The following MYLK4 variants were observed in gnomAD, a reference collection of about 807,000 sequenced individuals.
The protein encoded by MYLK4 is myosin light chain kinase family member 4.
MYLK4 carries 46 observed loss-of-function variants against 48.1 expected under a neutral mutation model. The ratio of observed to expected loss-of-function variants is 0.96; its 90% CI spans 0.75 to 1.22. MYLK4 has a LOEUF of 1.22. MYLK4 is among the 50% of genes most tolerant of loss of function. The probability of loss-of-function intolerance (pLI) is 0.00; values close to 1 mark genes in which losing one functional copy is unlikely to be tolerated. For synonymous variants in MYLK4, 170 were observed against 180.8 expected (o/e 0.94, Z 0.48); for missense variants, 451 against 486.1 (o/e 0.93, Z 0.68).
chr6:2,766,883 T>C, the MYLK4 span, among the ~76,000 whole-genome samples: 4 of 152,170 alleles, frequency 2.6e-5, no homozygotes, highest in Admixed American at 6.5e-5. Flanking sequence ...AAAATCAAAT[T>C]AATTCTGTTG....
the MYLK4 span, among the ~76,000 whole-genome samples, chr6:2,766,702 T>C: frequency 6.6e-6 from 1 of 152,162 alleles, no homozygotes; most frequent in Non-Finnish European, 1.5e-5. Flanking sequence ...AATCCATAGT[T>C]TTACAAGATG....
intron 3 of MYLK4, among the ~76,000 whole-genome samples, chr6:2,691,043 G>C (rs1761775736): frequency 6.6e-6 from 1 of 152,010 alleles, no homozygotes; most frequent in Non-Finnish European, 1.5e-5. Flanking sequence ...TGTTAGCCAG[G>C]ATGGTCTCCA....
chr6:2,765,188 C>CG, the MYLK4 span, among the ~76,000 whole-genome samples: 1 of 104,044 alleles, frequency 9.6e-6, no homozygotes, highest in African/African-American at 3.2e-5. Context: ...CGCAACCCCC[C>CG]CCCCCGCCCC....
chr6:2,766,864 G>A, the MYLK4 span, among the ~76,000 whole-genome samples: 1 of 150,418 alleles, frequency 6.6e-6, no homozygotes, highest in Non-Finnish European at 1.5e-5. Flanking sequence ...AACGGATTCA[G>A]CTTTGAAAAA....
At chr6:2,671,180 T>G (rs1760877073) in intron 12 of MYLK4, 96 bp downstream of exon 12, 1 of 864,322 alleles carries the variant, frequency 1.2e-6, no homozygotes, top group South Asian at 1.6e-5. Context: ...ACGCTGCTCT[T>G]CTTCCTGCAT....
chr6:2,694,499 G>A (rs1299906192), intron 2 of MYLK4, among the ~76,000 whole-genome samples: 3 of 29,664 alleles, frequency 1.0e-4, no homozygotes, highest in Middle Eastern at 0.01. Context: ...TCATGGTGGT[G>A]GTGGTGGTGG....
rs149683135 is a variant in MYLK4, at chr6:2,678,356, G to T, written c.904C>A (p.Pro302Thr). ...TCAGCATCATTGTCACCCAGGAAAG[G>T]CGACAAACCGCTAAGTCTGGAGGAC... ...IAYMLLSGLSPFLGDNDAETL... is the reference protein window; with the variant it reads ...IAYMLLSGLSTFLGDNDAETL... The change falls in exon 10 of 13, where the codon CCT becomes ACT. Residue 302 changes from proline to threonine, a missense_variant. Physicochemically the swap from Pro to Thr is conservative, Grantham distance 38. Coordinates refer to ENST00000274643, the MANE Select transcript of MYLK4 (RefSeq NM_001012418.5). The T allele has an allele frequency of 1.9e-6, 3 of 1,613,824 alleles. No homozygotes were observed. Among genetic ancestry groups the T allele is most frequent in the African/African-American group, 2.7e-5 (2 of 74,886 alleles).
chr6:2,679,425 A>G lies in MYLK4; in HGVS notation c.759-17T>C. ...GGTTTGTATCTGCAATTTAAGAGAC[A>G]AAGTGGAAGGATGGACGTGTCGATC... On this transcript the variant is annotated splice_polypyrimidine_tract_variant and intron_variant, in intron 8 of 12. Transcript: ENST00000274643. 2.5e-6 allele frequency: 4 copies of G among 1,614,166 alleles called. No individual in the cohort carries two copies. The highest frequency in any genetic ancestry group is 3.4e-6 in the Non-Finnish European group (4 of 1,179,984).
intron 3 of MYLK4, 24 bp from the exon 4 acceptor site, chr6:2,688,980 G>A (rs1280494872): frequency 1.9e-6 from 3 of 1,604,470 alleles, no homozygotes; most frequent in Admixed American, 3.3e-5. Flanking sequence ...GAAACAGAAG[G>A]GCAATCTGTC....
In MYLK4 at chr6:2,678,306, G is replaced by A; in HGVS notation, c.954C>T (p.Cys318=). Reference sequence around the variant, plus strand: ...ATTCTTCATCCTCTAAGTCCCACCTGCAGGCCAGGATGTTGTTCAGCGTCT... The same window carrying A: ...ATTCTTCATCCTCTAAGTCCCACCTACAGGCCAGGATGTTGTTCAGCGTCT... ...DAETLNNILA[C]RWDLEDEEFQ... Residue 318 remains cysteine, a synonymous_variant, in exon 10 of 13, where the codon TGC becomes TGT. Coordinates refer to ENST00000274643, the MANE Select transcript of MYLK4 (RefSeq NM_001012418.5). 6.2e-7 allele frequency: 1 copy of A among 1,613,994 alleles called. No individual in the cohort carries two copies. The highest frequency in any genetic ancestry group is 8.5e-7 in the Non-Finnish European group (1 of 1,179,996).
intron 2 of MYLK4, among the ~76,000 whole-genome samples, chr6:2,717,906 T>C (rs6929056): frequency 0.82 from 124,992 of 152,080 alleles, 51,735 homozygotes; most frequent in South Asian, 0.88. Flanking sequence ...ATCGGCCGGG[T>C]GCAGTGGCTC....
Position 2,667,270 on chromosome 6 carries a change from T to A in MYLK4, c.*655A>T, listed in dbSNP as rs1353953635. 2.0e-5 allele frequency: 3 copies of A among 152,188 alleles called. No individual in the cohort carries two copies. The highest frequency in any genetic ancestry group is 4.4e-5 in the Non-Finnish European group (3 of 68,048). The allele number at this position is 152,188 out of a possible 1,614,324, so 9.4% of individuals were successfully genotyped here. A position where few individuals can be genotyped will look rare whatever the true frequency, so the allele number is the denominator to read the frequency against. On this transcript the variant is annotated 3_prime_UTR_variant, in exon 13 of 13. Coordinates refer to ENST00000274643, the MANE Select transcript of MYLK4 (RefSeq NM_001012418.5). Reference sequence around the variant, plus strand: ...CAGCTACATGGAAGAAAACGCACGCTGGGGACAATTCAGAATAAATGAAAG... The same window carrying A: ...CAGCTACATGGAAGAAAACGCACGCAGGGGACAATTCAGAATAAATGAAAG...
At chr6:2,689,088 A>G (rs964792225) in intron 3 of MYLK4, 132 bp from the exon 4 acceptor site, 1 of 678,932 alleles carries the variant, frequency 1.5e-6, no homozygotes, top group African/African-American at 1.8e-5. Context: ...TTGATTCCTA[A>G]TGATCCAGGG....
intron 10 of MYLK4, among the ~76,000 whole-genome samples, chr6:2,676,091 CA>C (rs34207127): frequency 0.43 from 54,511 of 127,952 alleles, 10,643 homozygotes; most frequent in East Asian, 0.49. Flanking sequence ...GATTCTGTCT[CA>C]AAAAAAAAAA....
intron 2 of MYLK4, among the ~76,000 whole-genome samples, chr6:2,736,892 T>C (rs888137204): frequency 1.3e-4 from 20 of 152,194 alleles, no homozygotes; most frequent in African/African-American, 4.8e-4. Flanking sequence ...ATTTCCTAAT[T>C]TATAAATCTT....
chr6:2,679,255 T>A, intron 9 of MYLK4, 25 bp downstream of exon 9: 1 of 1,613,486 alleles, frequency 6.2e-7, no homozygotes, highest in Non-Finnish European at 8.5e-7. Context: ...TGGAGAAGGG[T>A]CAGAGACAGA....
chr6:2,676,421 C>G (rs1311780024), intron 10 of MYLK4, among the ~76,000 whole-genome samples: 2 of 152,178 alleles, frequency 1.3e-5, no homozygotes, highest in African/African-American at 4.8e-5. Flanking sequence ...AGTACTGGAT[C>G]TCCAGAGCAT....
chr6:2,685,292 G>A lies in MYLK4; in HGVS notation c.545+4C>T, dbSNP rs901249206. 7 of 1,607,306 alleles carry A rather than the reference G, an allele frequency of 4.4e-6. No individual in the cohort carries two copies. The highest frequency in any genetic ancestry group is 1.1e-5 in the South Asian group (1 of 90,960). ...GTCAGGGAGGGGGCGGAGGGGATACGTACTACTCCATGACCAGGACAATGT... is the reference window on the plus strand; with the variant it reads ...GTCAGGGAGGGGGCGGAGGGGATACATACTACTCCATGACCAGGACAATGT... On this transcript the variant is annotated splice_donor_region_variant and intron_variant, in intron 6 of 12. Coordinates refer to ENST00000274643, the MANE Select transcript of MYLK4 (RefSeq NM_001012418.5). The surrounding 1 kb of genome is among the most constrained non-coding windows in gnomAD (Gnocchi z 4.5).
chr6:2,758,357 C>A, the MYLK4 span, among the ~76,000 whole-genome samples: 3 of 150,372 alleles, frequency 2.0e-5, no homozygotes, highest in South Asian at 6.3e-4. Context: ...ATATATATTA[C>A]ATATGTATAT....
Sources: allele counts gnomAD v4.1 joint callset (sites outside exome capture counted in the v4.1 genomes callset), GRCh38; gene constraint gnomAD v4.1.1; non-coding constraint Gnocchi (gnomAD v3.1); transcripts MANE v1.5; gene names NCBI Gene and HGNC (gene_info 2026-07-23, HGNC 2026-07-21).